The following RGS13 variants were observed in gnomAD, a reference collection of about 807,000 sequenced individuals.
RGS13 encodes the protein regulator of G protein signaling 13.
RGS13 carries 14 observed loss-of-function variants against 19.9 expected under a neutral mutation model. That is an observed-to-expected ratio of 0.70 (90% CI 0.46 to 1.10). RGS13 has a LOEUF of 1.10. RGS13 is among the 50% of genes least tolerant of loss of function. The pLI is 0.00. For synonymous variants in RGS13, 60 were observed against 56.8 expected, an observed-to-expected ratio of 1.06 and a Z score of -0.25; for missense variants, 205 against 187.1, an observed-to-expected ratio of 1.10 and a Z score of -0.56.
intron 4 of RGS13, 71 bp downstream of exon 4, chr1:192,644,470 T>TCATC: frequency 9.1e-7 from 1 of 1,103,892 alleles, no homozygotes; most frequent in Non-Finnish European, 1.4e-6. Context: ...TACATATTTA[T>TCATC]TAAACTGCTA....
chr1:192,640,939 C>A (rs984025257), intron 3 of RGS13, among the ~76,000 whole-genome samples: 2 of 151,964 alleles, frequency 1.3e-5, no homozygotes, highest in East Asian at 1.9e-4. Flanking sequence ...TGTCTATGTA[C>A]CTTTTGCCAA....
At chr1:192,648,012 T>A in intron 5 of RGS13, 25 bp downstream of exon 5, 1 of 1,518,528 alleles carries the variant, frequency 6.6e-7, no homozygotes. Context: ...TCTGTCATCT[T>A]TGAATAACTA....
intron 3 of RGS13, among the ~76,000 whole-genome samples, chr1:192,643,283 T>C (rs1463986595): frequency 6.6e-6 from 1 of 152,180 alleles, no homozygotes; most frequent in Non-Finnish European, 1.5e-5. Flanking sequence ...GAATGAATCG[T>C]AAAGACTGAT....
intron 3 of RGS13, among the ~76,000 whole-genome samples, chr1:192,641,240 GAAAGAAAA>G (rs1663105532): frequency 2.2e-5 from 2 of 90,570 alleles, no homozygotes; most frequent in Admixed American, 1.2e-4. Flanking sequence ...AAGAAAGAAA[GAAAGAAAA>G]GAAAGAAAAG....
intron 5 of RGS13, among the ~76,000 whole-genome samples, chr1:192,651,488 T>C (rs908963946): frequency 6.6e-5 from 10 of 151,960 alleles, no homozygotes; most frequent in Non-Finnish European, 1.5e-4. Context: ...ATTTGGGAAA[T>C]ACAGCAATAT....
intron 3 of RGS13, among the ~76,000 whole-genome samples, chr1:192,640,441 A>G (rs1663085481): frequency 6.6e-6 from 1 of 152,198 alleles, no homozygotes; most frequent in Non-Finnish European, 1.5e-5. Flanking sequence ...TAAAGACCTC[A>G]GTGGATTACT....
At chr1:192,646,654 C>G (rs1663226947) in intron 4 of RGS13, 1 of 152,088 alleles carries the variant, frequency 6.6e-6, no homozygotes, top group Non-Finnish European at 1.5e-5. Context: ...TCCTCCCACG[C>G]CCCCACCCTA....
intron 5 of RGS13, among the ~76,000 whole-genome samples, chr1:192,651,747 G>A (rs1413674510): frequency 6.6e-6 from 1 of 152,050 alleles, no homozygotes; most frequent in Non-Finnish European, 1.5e-5. Context: ...GAGAGAAGAC[G>A]GTGAATATCC....
At chr1:192,648,039 G>C in intron 5 of RGS13, 52 bp downstream of exon 5, 4 of 1,307,486 alleles carry the variant, frequency 3.1e-6, no homozygotes, top group Non-Finnish European at 4.3e-6. Flanking sequence ...TCCATTCTTA[G>C]AGGTAAAGGT....
chr1:192,636,827 CT>C (rs1663025883), intron 1 of RGS13, among the ~76,000 whole-genome samples: 2 of 151,804 alleles, frequency 1.3e-5, no homozygotes, highest in African/African-American at 2.4e-5. Context: ...TTAAGCACAA[CT>C]ATGCACAAAT....
chr1:192,638,023 C>T (rs540775955), intron 2 of RGS13, 141 bp from the exon 3 acceptor site: 1 of 152,142 alleles, frequency 6.6e-6, no homozygotes, highest in East Asian at 1.9e-4. Context: ...TATATTGGTG[C>T]TATTAAACTG....
intron 6 of RGS13, 95 bp downstream of exon 6, chr1:192,658,462 C>A: frequency 9.1e-7 from 1 of 1,100,118 alleles, no homozygotes; most frequent in South Asian, 1.6e-5. Context: ...CACTTTACAT[C>A]CAGTATCTCC....
At chr1:192,644,594 T>G (rs1241114436) in intron 4 of RGS13, 195 bp downstream of exon 4, 1 of 510,950 alleles carries the variant, frequency 2.0e-6, no homozygotes, top group Non-Finnish European at 3.5e-6. Flanking sequence ...GGTTTACACT[T>G]GAGAATTCAG....
At chr1:192,654,938 T>C (rs2102037543) in intron 5 of RGS13, among the ~76,000 whole-genome samples, 2 of 152,134 alleles carry the variant, frequency 1.3e-5, no homozygotes, top group South Asian at 4.1e-4. Flanking sequence ...TTCTGATGTT[T>C]ATCATCTTAT....
At position 192,644,662 on chromosome 1, in the gene RGS13, G is replaced by T. The variant is rs554467229; in HGVS notation, c.65+263G>T. 4 of 297,984 alleles carry T rather than the reference G, an allele frequency of 1.3e-5. No homozygotes were observed. The South Asian group carries it at 3.3e-4, about 24-fold the overall frequency. The allele number at this position is 297,984 out of a possible 1,614,324, so 18.5% of individuals were successfully genotyped here. A position where few individuals can be genotyped will look rare whatever the true frequency, so the allele number is the denominator to read the frequency against. ...GTCTCTGTTCTTTTTAAAAAACAAA[G>T]AATATTGTTTGTGTTAAAATGAGAT... On this transcript the variant is annotated intron_variant, in intron 4 of 6. Coordinates refer to ENST00000391995, the MANE Select transcript of RGS13 (RefSeq NM_002927.5).
chr1:192,648,880 C>T (rs1663266411), intron 5 of RGS13, among the ~76,000 whole-genome samples: 1 of 152,050 alleles, frequency 6.6e-6, no homozygotes, highest in South Asian at 2.1e-4. Flanking sequence ...CCCCCTGTTC[C>T]TCATGGGGGT....
chr1:192,643,820 C>T (rs1376424809), intron 3 of RGS13, among the ~76,000 whole-genome samples: 9 of 152,094 alleles, frequency 5.9e-5, no homozygotes, highest in East Asian at 5.8e-4. Context: ...GTCATGGTGG[C>T]GCATGCCTGT....
chr1:192,658,130 T>A (rs138129006), intron 5 of RGS13, 71 bp from the exon 6 acceptor site: 75 of 1,103,756 alleles, frequency 6.8e-5, no homozygotes, highest in African/African-American at 5.2e-4. Flanking sequence ...GGCTTTTTTT[T>A]AACTGTATTG....
chr1:192,651,122 G>T (rs1021568485), intron 5 of RGS13, among the ~76,000 whole-genome samples: 2 of 152,064 alleles, frequency 1.3e-5, no homozygotes, highest in African/African-American at 4.8e-5. Flanking sequence ...CAGCAAAGTG[G>T]ATGGAAAAGG....
Sources: gnomAD v4.1 joint callset for allele counts (sites outside exome capture counted in the v4.1 genomes callset) on GRCh38, gnomAD v4.1.1 for gene constraint, MANE v1.5 for transcripts, NCBI Gene and HGNC (gene_info 2026-07-23, HGNC 2026-07-21) for gene names.